The following PPAN variants were observed in gnomAD, a reference collection of about 807,000 sequenced individuals.
PPAN encodes suppressor of SWI4 1 homolog.
A neutral mutation model predicts 48.5 loss-of-function variants in PPAN; 39 were observed. That is an observed-to-expected ratio of 0.80 (90% CI 0.62 to 1.05). The LOEUF (loss-of-function observed/expected upper bound fraction) is 1.05. PPAN is among the 50% of genes least tolerant of loss of function. The probability of loss-of-function intolerance (pLI) is 0.00; values close to 1 mark genes in which losing one functional copy is unlikely to be tolerated. For missense variants in PPAN, 736 were observed against 661.7 expected (o/e 1.11, Z -1.23); for synonymous variants, 315 against 268.6 (o/e 1.17, Z -1.69).
upstream of PPAN, chr19:10,106,276 AC>A: frequency 1.3e-6 from 2 of 1,492,834 alleles, no homozygotes; most frequent in Admixed American, 4.6e-5. Context: ...CCCAGAGGCC[AC>A]CTAGTGCGCA....
In PPAN at chr19:10,111,032, G is replaced by C. The variant is rs772491244; in HGVS notation, c.1289G>C (p.Arg430Pro). 5 of 1,613,656 alleles carry C rather than the reference G, an allele frequency of 3.1e-6. No individual in the cohort carries two copies. The East Asian group carries it at 6.7e-5, about 22-fold the overall frequency. The part of the protein sequence containing the change: ...KRWEMDRGRG[R>P]LCDQKFPKTK... The stretch of plus-strand genomic sequence containing the variant: ...TGGGAAATGGATCGAGGCAGGGGTC[G>C]CCTTTGTGACCAGAAGTTTCCCAAG... Residue 430 changes from arginine to proline, a missense_variant, in exon 12 of 12, where the codon CGC becomes CCC. Coordinates refer to ENST00000253107, the MANE Select transcript of PPAN (RefSeq NM_020230.7).
intron 2 of PPAN, chr19:10,106,903 G>A: frequency 1.4e-6 from 1 of 719,954 alleles, no homozygotes; most frequent in Admixed American, 2.7e-5. Flanking sequence ...ACTGGAATCT[G>A]GAGCCGGGCG....
rs1463564705 is a variant in PPAN, at chr19:10,111,134, G to T, written c.1391G>T (p.Gly464Val). 1 of 1,604,460 alleles carries T rather than the reference G, an allele frequency of 6.2e-7. No homozygotes were observed. Among genetic ancestry groups the T allele is most frequent in the South Asian group, 1.1e-5 (1 of 90,660 alleles). Residue 464 changes from glycine to valine, a missense_variant, in exon 12 of 12, where the codon GGC becomes GTC. Coordinates refer to ENST00000253107, the MANE Select transcript of PPAN (RefSeq NM_020230.7). Reference protein sequence around the residue: ...GASRDGGRGRGRGRPGKRVA With the variant: ...GASRDGGRGRVRGRPGKRVA ...TCCCGGGATGGTGGGCGAGGCCGGGGCCGGGGCCGCCCAGGGAAGAGAGTG... is the reference window on the plus strand; with the variant it reads ...TCCCGGGATGGTGGGCGAGGCCGGGTCCGGGGCCGCCCAGGGAAGAGAGTG...
chr19:10,111,037 T>G lies in PPAN; in HGVS notation c.1294T>G (p.Cys432Gly). 6.2e-7 allele frequency: 1 copy of G among 1,613,700 alleles called. No individual in the cohort carries two copies. The highest frequency in any genetic ancestry group is 8.5e-7 in the Non-Finnish European group (1 of 1,179,958). Residue 432 changes from cysteine (C) to glycine (G), a missense_variant, in exon 12 of 12, where the codon TGT becomes GGT. Transcript: ENST00000253107. ...AATGGATCGAGGCAGGGGTCGCCTT[T>G]GTGACCAGAAGTTTCCCAAGACCAA... Reference protein sequence around the residue: ...WEMDRGRGRLCDQKFPKTKDK... With the variant: ...WEMDRGRGRLGDQKFPKTKDK...
At chr19:10,106,233 A>G, upstream of PPAN, 1 of 1,304,478 alleles carries the variant, frequency 7.7e-7, no homozygotes, top group South Asian at 1.5e-5. Context: ...GTGTCTCCAT[A>G]GCAACCGCTC....
At position 10,110,815 on chromosome 19, in the gene PPAN, G is replaced by A. The variant is rs1338618118; in HGVS notation, c.1150G>A (p.Asp384Asn). 3 of 1,614,094 alleles carry A rather than the reference G, an allele frequency of 1.9e-6. No individual in the cohort carries two copies. Among genetic ancestry groups the A allele is most frequent in the Non-Finnish European group, 2.5e-6 (3 of 1,180,022 alleles). The change falls in exon 11 of 12, where the codon GAT (aspartate) becomes AAT (asparagine). Residue 384 changes from aspartate to asparagine, a missense_variant. Physicochemically the swap from Asp to Asn is conservative, Grantham distance 23 (BLOSUM62 1). Coordinates refer to ENST00000253107, the MANE Select transcript of PPAN (RefSeq NM_020230.7). The surrounding 1 kb of genome is among the most constrained non-coding windows in gnomAD (Gnocchi z 5.9). ...GGGTGAGGACGATGATGAACAGGAA[G>A]ATGATGACATCGAGTATTTCTGCCA... ...ELGEDDDEQE[D>N]DDIEYFCQAV...
intron 5 of PPAN, 36 bp from the exon 6 acceptor site, chr19:10,109,595 A>C: frequency 6.3e-7 from 1 of 1,582,828 alleles, no homozygotes; most frequent in Non-Finnish European, 8.6e-7. Flanking sequence ...CTTTGCCATG[A>C]GTCTACTGGA....
chr19:10,108,177 C>T lies in PPAN; in HGVS notation c.513+43C>T, dbSNP rs367911426. 2.7e-5 allele frequency: 43 copies of T among 1,566,858 alleles called. No homozygotes were observed. The Middle Eastern group carries it at 5.6e-4, about 20-fold the overall frequency. ...AGGTGGCAGGTATGGGGGGGTGCAGCGGATAGAGGTGCCACAGGCCCTCAG... is the reference window on the plus strand; with the variant it reads ...AGGTGGCAGGTATGGGGGGGTGCAGTGGATAGAGGTGCCACAGGCCCTCAG... On this transcript the variant is annotated intron_variant, in intron 5 of 11. Coordinates refer to ENST00000253107, the MANE Select transcript of PPAN (RefSeq NM_020230.7).
At chr19:10,106,244 C>T (rs1568479658), upstream of PPAN, 1 of 1,368,654 alleles carries the variant, frequency 7.3e-7, no homozygotes, top group Admixed American at 2.5e-5. Flanking sequence ...GCAACCGCTC[C>T]ATCTGATTGC....
At chr19:10,106,320 C>T, upstream of PPAN, 1 of 1,544,952 alleles carries the variant, frequency 6.5e-7, no homozygotes, top group Non-Finnish European at 8.7e-7. Flanking sequence ...GCCGTGCCGG[C>T]TCTCAGGCGC....
chr19:10,109,679 G>A lies in PPAN; in HGVS notation c.562G>A (p.Asp188Asn), dbSNP rs760694458. 4.3e-6 allele frequency: 7 copies of A among 1,613,740 alleles called. No individual in the cohort carries two copies. Among genetic ancestry groups the A allele is most frequent in the East Asian group, 2.2e-5 (1 of 44,882 alleles). Reference sequence around the variant, plus strand: ...CTGCCTCCTCATCGACTACAACCCCGACTCCCAGGAGCTGGACTTCCGCCA... The same window carrying A: ...CTGCCTCCTCATCGACTACAACCCCAACTCCCAGGAGCTGGACTTCCGCCA... ...KRCLLIDYNP[D>N]SQELDFRHYS... is the part of the protein sequence containing the mutation. Residue 188 changes from aspartate (D) to asparagine (N), a missense_variant, in exon 6 of 12, where the codon GAC becomes AAC. By Grantham distance (23) the Asp-to-Asn change is conservative. Transcript: ENST00000253107.
In PPAN at chr19:10,111,634, C is replaced by A; in HGVS notation, c.*469C>A. ...GCTGGGCCAGTAACTGGGGATGGGG[C>A]TGGGGCAGGGCCCACTAAGCCACTG... On this transcript the variant is annotated 3_prime_UTR_variant, in exon 12 of 12. Transcript: ENST00000253107. 2 of 1,549,162 alleles carry A rather than the reference C, an allele frequency of 1.3e-6. No homozygotes were observed. The highest frequency in any genetic ancestry group is 1.8e-6 in the Non-Finnish European group (2 of 1,124,034).
chr19:10,110,201 C>T lies in PPAN; in HGVS notation c.777C>T (p.Gly259=). The T allele has an allele frequency of 1.2e-6, 2 of 1,611,096 alleles. No individual in the cohort carries two copies. The highest frequency in any genetic ancestry group is 1.7e-6 in the Non-Finnish European group (2 of 1,179,862). Residue 259 remains glycine (G), a synonymous_variant, in exon 8 of 12, where the codon GGC becomes GGT. Coordinates refer to ENST00000253107, the MANE Select transcript of PPAN (RefSeq NM_020230.7). This position sits in a 1 kb window ranked among gnomAD's most constrained non-coding sequence, Gnocchi z 5.9. ...NITELPQAVA[G]RGNMRAQQSA... The stretch of plus-strand genomic sequence containing the variant: ...CAGAGCTGCCTCAGGCTGTCGCTGG[C>T]CGTGGCAACATGCGGGCCCAGCAGA...
rs748227780 is a variant in PPAN at position 10,110,942 on chromosome 19, C to T, written c.1202-3C>T. 16 of 1,613,324 alleles carry T rather than the reference C, an allele frequency of 9.9e-6. No homozygotes were observed. Among genetic ancestry groups the T allele is most frequent in the Non-Finnish European group, 1.4e-5 (16 of 1,179,914 alleles). On this transcript the variant is annotated splice_region_variant and splice_polypyrimidine_tract_variant and intron_variant, in intron 11 of 11. Transcript: ENST00000253107. The surrounding 1 kb of genome is among the most constrained non-coding windows in gnomAD (Gnocchi z 5.9). ...GGGGCCCTGACACTGTCTCTCCCCA[C>T]AGACCTGTTCCCCGAGGCCAAGCAG...
chr19:10,107,472 T>C (rs764609547), intron 2 of PPAN, 33 bp from the exon 3 acceptor site: 8 of 1,607,164 alleles, frequency 5.0e-6, no homozygotes, highest in Non-Finnish European at 6.8e-6. Context: ...AGGGATAAGC[T>C]ATGTTTTCTT....
rs750327298 is a variant in PPAN, at chr19:10,107,845, G to C, written c.333G>C (p.Gln111His). 3.1e-6 allele frequency: 5 copies of C among 1,613,594 alleles called. No homozygotes were observed. Among genetic ancestry groups the C allele is most frequent in the Non-Finnish European group, 4.2e-6 (5 of 1,179,554 alleles). ...CAGGAGGCCCCACCTTGACCTTCCA[G>C]GTCAAGAAGGTGAGAGGGGTGGAGG... ...RLPGGPTLTF[Q>H]VKKYSLVRDV... Residue 111 changes from glutamine (Q) to histidine (H), a missense_variant, in exon 4 of 12, where the codon CAG becomes CAC. Physicochemically the swap from Gln to His is conservative, Grantham distance 24. Coordinates refer to ENST00000253107, the MANE Select transcript of PPAN (RefSeq NM_020230.7).
At chr19:10,106,450 G>C (rs1161067911) in intron 1 of PPAN, 38 bp downstream of exon 1, 1 of 1,547,224 alleles carries the variant, frequency 6.5e-7, no homozygotes, top group Non-Finnish European at 8.7e-7. Context: ...TGGCGCAGGT[G>C]GGGTCCCGGC....
Position 10,109,984 on chromosome 19 carries a change from T to C in PPAN, c.662T>C (p.Met221Thr). The C allele has an allele frequency of 3.7e-6, 6 of 1,613,968 alleles. No homozygotes were observed. In the South Asian group the frequency reaches 4.4e-5, roughly 12 times the overall value. ...CTGCTCCAGGAGAAGTTCCCCAACA[T>C]GAGCCGCCTGCAGGACATCAGCGAG... ...KKLLQEKFPNMSRLQDISELL... is the reference protein window; with the variant it reads ...KKLLQEKFPNTSRLQDISELL... The change falls in exon 7 of 12, where the codon ATG (methionine) becomes ACG (threonine). Residue 221 changes from methionine (M) to threonine (T), a missense_variant. Coordinates refer to ENST00000253107, the MANE Select transcript of PPAN (RefSeq NM_020230.7).
Position 10,111,167 on chromosome 19 carries a change from C to A in PPAN, c.*2C>A. ...CGCCCAGGGAAGAGAGTGGCCTGAG[C>A]CCAAGCCGCACCGGAGCAGCGGCTG... On this transcript the variant is annotated 3_prime_UTR_variant, in exon 12 of 12. Coordinates refer to ENST00000253107, the MANE Select transcript of PPAN (RefSeq NM_020230.7). 6.4e-7 allele frequency: 1 copy of A among 1,571,078 alleles called. No homozygotes were observed. The highest frequency in any genetic ancestry group is 8.6e-7 in the Non-Finnish European group (1 of 1,160,982).
Sources: gnomAD v4.1 joint callset for allele counts on GRCh38, gnomAD v4.1.1 for gene constraint, Gnocchi (gnomAD v3.1) non-coding constraint, MANE v1.5 for transcripts, NCBI Gene and HGNC (gene_info 2026-07-23, HGNC 2026-07-21) for gene names.